GATA6: variants seen among roughly 807,000 people sequenced by gnomAD.
GATA6 encodes the protein GATA binding protein 6.
Under a neutral mutation model 48.1 loss-of-function variants are expected in GATA6, and 11 were observed. That is an observed-to-expected ratio of 0.23 (90% confidence interval 0.14 to 0.38). The LOEUF (loss-of-function observed/expected upper bound fraction) is 0.38. Ranked by LOEUF, GATA6 falls within the 10% of genes least tolerant of loss-of-function variation. The pLI is 1.00. For missense variants in GATA6, 795 were observed against 850.3 expected, an observed-to-expected ratio of 0.93 and a Z score of 0.81; for synonymous variants, 419 against 396.1, an observed-to-expected ratio of 1.06 and a Z score of -0.69.
At position 22,172,025 on chromosome 18, in the gene GATA6, G is replaced by A; in HGVS notation, c.881G>A (p.Ser294Asn). 8.0e-7 allele frequency: 1 copy of A among 1,248,668 alleles called. No homozygotes were observed. Among genetic ancestry groups the A allele is most frequent in the South Asian group, 3.6e-5 (1 of 27,846 alleles). 77.3% of individuals were successfully genotyped at this position (1,248,668 alleles called of 1,614,324 possible). ...AAGSGGAGGV[S>N]GGGSSLAAMG... ...GGCAGTGGGGGCGCGGGAGGCGTGA[G>A]CGGCGGCGGCAGTAGCCTGGCGGCC... is the stretch of plus-strand genomic sequence containing the variant. The change falls in exon 2 of 7, where the codon AGC (serine) becomes AAC (asparagine). Residue 294 changes from serine to asparagine, a missense_variant. Coordinates refer to ENST00000269216, the MANE Select transcript of GATA6 (RefSeq NM_005257.6). This position sits in a 1 kb window ranked among gnomAD's most constrained non-coding sequence, Gnocchi z 5.2.
Position 22,172,212 on chromosome 18 carries a change from C to T in GATA6, c.1068C>T (p.Thr356=). The part of the protein sequence containing the change: ...TPAWPAGPFE[T]PVLHSLQSRA... ...CCTGGCCCGCCGGACCCTTCGAGAC[C>T]CCGGTGCTGCACAGCCTGCAGAGCC... The change falls in exon 2 of 7, where the codon ACC becomes ACT. Residue 356 remains threonine, a synonymous_variant. Transcript: ENST00000269216. This position sits in a 1 kb window ranked among gnomAD's most constrained non-coding sequence, Gnocchi z 5.2. 1 of 1,534,528 alleles carries T rather than the reference C, an allele frequency of 6.5e-7. No homozygotes were observed. Among genetic ancestry groups the T allele is most frequent in the South Asian group, 1.2e-5 (1 of 83,978 alleles).
chr18:22,175,951 C>A (rs73962493), intron 2 of GATA6, among the ~76,000 whole-genome samples: 4,099 of 152,204 alleles, frequency 0.027, 188 homozygotes, highest in African/African-American at 0.093. Context: ...TCTATACTTA[C>A]AATAAGTACC....
At chr18:22,181,397 T>TA (rs1367872448) in intron 3 of GATA6, 56 bp from the exon 4 acceptor site, 2 of 1,555,126 alleles carry the variant, frequency 1.3e-6, no homozygotes, top group Non-Finnish European at 1.8e-6. Context: ...TGTATGTATG[T>TA]AATATATATA....
chr18:22,171,580 G>A lies in GATA6; in HGVS notation c.436G>A (p.Glu146Lys). 1.2e-6 allele frequency: 2 copies of A among 1,602,906 alleles called. No individual in the cohort carries two copies. The highest frequency in any genetic ancestry group is 1.7e-6 in the Non-Finnish European group (2 of 1,179,490). Reference sequence around the variant, plus strand: ...CCCCTTCGCACCCGAGCAGCCGGAGGAGATGTACCAGACCCTCGCCGCTCT... The same window carrying A: ...CCCCTTCGCACCCGAGCAGCCGGAGAAGATGTACCAGACCCTCGCCGCTCT... ...LSPFAPEQPE[E>K]MYQTLAALSS... is the part of the protein sequence containing the mutation. The change falls in exon 2 of 7, where the codon GAG becomes AAG. Residue 146 changes from glutamate (E) to lysine (K), a missense_variant. Glu to Lys is a moderately conservative substitution (Grantham distance 56, BLOSUM62 1). Coordinates refer to ENST00000269216, the MANE Select transcript of GATA6 (RefSeq NM_005257.6). This position sits in a 1 kb window ranked among gnomAD's most constrained non-coding sequence, Gnocchi z 7.1.
intron 2 of GATA6, among the ~76,000 whole-genome samples, chr18:22,173,868 C>T (rs1442461863): frequency 6.6e-6 from 1 of 152,242 alleles, no homozygotes; most frequent in Non-Finnish European, 1.5e-5. Flanking sequence ...CTCTTGACTT[C>T]AGGCGATCCA....
At chr18:22,175,703 A>G (rs2033112748) in intron 2 of GATA6, 1 of 152,248 alleles carries the variant, frequency 6.6e-6, no homozygotes, top group South Asian at 2.1e-4. Flanking sequence ...TTTATGCTAA[A>G]GTCATATTTA....
chr18:22,183,414 G>A (rs1218907712), intron 6 of GATA6, among the ~76,000 whole-genome samples: 1 of 152,180 alleles, frequency 6.6e-6, no homozygotes, highest in Non-Finnish European at 1.5e-5. Flanking sequence ...TATGAGGCCA[G>A]TGGTTTCATA....
intron 6 of GATA6, among the ~76,000 whole-genome samples, chr18:22,186,599 C>T (rs778744585): frequency 6.6e-5 from 10 of 152,040 alleles, no homozygotes; most frequent in Non-Finnish European, 1.3e-4. Context: ...TTGGCCAGGA[C>T]GAAAGGAGCC....
At chr18:22,178,558 T>C (rs2033155680) in intron 3 of GATA6, among the ~76,000 whole-genome samples, 2 of 152,220 alleles carry the variant, frequency 1.3e-5, no homozygotes, top group Non-Finnish European at 2.9e-5. Flanking sequence ...TTGTGTTAAA[T>C]AGATTAGAGT....
In GATA6 at chr18:22,171,077, T is replaced by C; in HGVS notation, c.-37-31T>C. On this transcript the variant is annotated intron_variant, in intron 1 of 6. Transcript: ENST00000269216. This position sits in a 1 kb window ranked among gnomAD's most constrained non-coding sequence, Gnocchi z 7.1. ...CGCTCTTGTTAACCCGTCGATCTCC[T>C]ACCATACCCGTCTCCCCCACCCCAC... 7.1e-7 allele frequency: 1 copy of C among 1,410,970 alleles called. No homozygotes were observed. The highest frequency in any genetic ancestry group is 9.8e-7 in the Non-Finnish European group (1 of 1,016,290). The allele number at this position is 1,410,970 out of a possible 1,614,324, so 87.4% of individuals were successfully genotyped here.
In GATA6 at chr18:22,202,160, G is replaced by A. The variant is rs1407871331; in HGVS notation, c.*1337G>A. On this transcript the variant is annotated 3_prime_UTR_variant, in exon 7 of 7. Transcript: ENST00000269216. The stretch of plus-strand genomic sequence containing the variant: ...CTTGGCTTATTTGAAGTTGACACAT[G>A]GGGTTAGTTACTACTCTCCATGTGC... 6.6e-6 allele frequency: 1 copy of A among 152,148 alleles called. No homozygotes were observed. Among genetic ancestry groups the A allele is most frequent in the Non-Finnish European group, 1.5e-5 (1 of 68,026 alleles). 9.4% of individuals were successfully genotyped at this position (152,148 alleles called of 1,614,324 possible). A position where few individuals can be genotyped will look rare whatever the true frequency, so the allele number is the denominator to read the frequency against.
At chr18:22,178,284 G>A (rs1409138064) in intron 3 of GATA6, among the ~76,000 whole-genome samples, 1 of 152,124 alleles carries the variant, frequency 6.6e-6, no homozygotes, top group Non-Finnish European at 1.5e-5. Context: ...TAAAGTAAGG[G>A]AATCCTGATT....
intron 3 of GATA6, among the ~76,000 whole-genome samples, chr18:22,180,613 TAAAAC>T (rs1247119379): frequency 6.6e-6 from 1 of 151,656 alleles, no homozygotes; most frequent in Non-Finnish European, 1.5e-5. Context: ...GTAAAATAGA[TAAAAC>T]AAAAATGCAG....
chr18:22,198,304 T>TA (rs535944999), intron 6 of GATA6, among the ~76,000 whole-genome samples: 221 of 152,212 alleles, frequency 1.5e-3, no homozygotes, highest in African/African-American at 5.1e-3. Context: ...TTCCTGGGCT[T>TA]AAGTAATCCT....
chr18:22,172,073 A>T lies in GATA6; in HGVS notation c.929A>T (p.Tyr310Phe). 1 of 1,449,916 alleles carries T rather than the reference A, an allele frequency of 6.9e-7. No individual in the cohort carries two copies. The highest frequency in any genetic ancestry group is 9.0e-7 in the Non-Finnish European group (1 of 1,106,422). 89.8% of individuals were successfully genotyped at this position (1,449,916 alleles called of 1,614,324 possible). ...GCCATGGGCGGCCGCGAGCCCCAGT[A>T]CAGCTCGCTGTCGGCCGCGCGGCCG... The part of the protein sequence containing the change: ...LAAMGGREPQ[Y>F]SSLSAARPLN... The change falls in exon 2 of 7, where the codon TAC becomes TTC. Residue 310 changes from tyrosine (Y) to phenylalanine (F), a missense_variant. Coordinates refer to ENST00000269216, the MANE Select transcript of GATA6 (RefSeq NM_005257.6). This position sits in a 1 kb window ranked among gnomAD's most constrained non-coding sequence, Gnocchi z 5.2.
intron 1 of GATA6, 54 bp downstream of exon 1, chr18:22,169,736 A>G (rs1414111366): frequency 1.3e-5 from 2 of 149,998 alleles, no homozygotes; most frequent in Non-Finnish European, 3.0e-5. Flanking sequence ...CTCCACCCCT[A>G]CTCGTCGCGG....
Position 22,171,404 on chromosome 18 carries a change from C to T in GATA6, c.260C>T (p.Pro87Leu). 6.3e-7 allele frequency: 1 copy of T among 1,589,040 alleles called. No homozygotes were observed. Among genetic ancestry groups the T allele is most frequent in the South Asian group, 1.1e-5 (1 of 89,642 alleles). The change falls in exon 2 of 7, where the codon CCC (proline) becomes CTC (leucine). Residue 87 changes from proline to leucine, a missense_variant. Coordinates refer to ENST00000269216, the MANE Select transcript of GATA6 (RefSeq NM_005257.6). This position sits in a 1 kb window ranked among gnomAD's most constrained non-coding sequence, Gnocchi z 7.1. The part of the protein sequence containing the change: ...SLLLSSYASH[P>L]FGAPHGPSAP... ...CTGCTCAGTTCCTACGCTTCGCATC[C>T]CTTCGGGGCTCCCCACGGACCTTCG... is the stretch of plus-strand genomic sequence containing the variant.
At chr18:22,177,945 TTTTTTTG>T (rs1370880177) in intron 3 of GATA6, among the ~76,000 whole-genome samples, 1,693 of 121,594 alleles carry the variant, frequency 0.014, 254 homozygotes, top group African/African-American at 0.072. Flanking sequence ...CGTTTTACTG[TTTTTTTG>T]TTTTTTTTTT....
chr18:22,180,677 C>CTT (rs201442589), intron 3 of GATA6, among the ~76,000 whole-genome samples: 2 of 146,868 alleles, frequency 1.4e-5, no homozygotes, highest in African/African-American at 2.5e-5. Flanking sequence ...AAATATATTT[C>CTT]TTTTTTTTTT....
Sources: gnomAD v4.1 joint callset for allele counts (sites outside exome capture counted in the v4.1 genomes callset) on GRCh38, gnomAD v4.1.1 for gene constraint, Gnocchi (gnomAD v3.1) non-coding constraint, MANE v1.5 for transcripts, NCBI Gene and HGNC (gene_info 2026-07-23, HGNC 2026-07-21) for gene names.